CAPN11: variants seen among roughly 807,000 people sequenced by gnomAD.
CAPN11 encodes calpain 11.
Under a neutral mutation model 105.3 loss-of-function variants are expected in CAPN11, and 108 were observed. The ratio of observed to expected loss-of-function variants is 1.03; its 90% CI spans 0.88 to 1.20. The LOEUF (loss-of-function observed/expected upper bound fraction) is 1.20, where lower values mean the gene tolerates loss of function less well. CAPN11 is among the 50% of genes most tolerant of loss of function. The pLI is 0.00. For synonymous variants in CAPN11, 329 were observed against 344.5 expected (o/e 0.96, Z 0.50); for missense variants, 883 against 924.8 (o/e 0.95, Z 0.59).
intron 7 of CAPN11, among the ~76,000 whole-genome samples, chr6:44,175,600 AC>A (rs1300425509): frequency 6.6e-6 from 1 of 151,736 alleles, no homozygotes; most frequent in Admixed American, 6.6e-5. Context: ...ACATGGTAAA[AC>A]CCCATCTATA....
chr6:44,172,812 C>T, intron 5 of CAPN11, 128 bp from the exon 6 acceptor site: 1 of 1,107,848 alleles, frequency 9.0e-7, no homozygotes, highest in Admixed American at 2.8e-5. Flanking sequence ...CTTTGGGTTG[C>T]CTTTCCCTCT....
chr6:44,160,235 C>T (rs1446702487), intron 1 of CAPN11, among the ~76,000 whole-genome samples: 1 of 152,222 alleles, frequency 6.6e-6, no homozygotes, highest in Non-Finnish European at 1.5e-5. Flanking sequence ...CTCAACTGAG[C>T]CATTCCACAG....
chr6:44,171,224 CT>C (rs1315545336), intron 4 of CAPN11, among the ~76,000 whole-genome samples: 1 of 152,200 alleles, frequency 6.6e-6, no homozygotes, highest in Non-Finnish European at 1.5e-5. Flanking sequence ...CACCCTGCCC[CT>C]GGACCCCACC....
intron 4 of CAPN11, 85 bp downstream of exon 4, chr6:44,170,060 A>G: frequency 9.3e-7 from 1 of 1,074,832 alleles, no homozygotes; most frequent in Admixed American, 2.0e-5. Flanking sequence ...GCTGGGAAAC[A>G]GGGAGCCCTG....
chr6:44,173,494 A>G, intron 7 of CAPN11, 108 bp downstream of exon 7: 1 of 685,902 alleles, frequency 1.5e-6, no homozygotes, highest in East Asian at 2.8e-5. Context: ...ATTCAGTTCA[A>G]CTGCCCTTTC....
chr6:44,162,006 C>T (rs986361501), intron 1 of CAPN11: 2 of 422,868 alleles, frequency 4.7e-6, no homozygotes, highest in Admixed American at 2.5e-5. Context: ...GAGGGGCGCC[C>T]AGCAGCATCC....
chr6:44,167,065 A>G (rs1770030083), intron 2 of CAPN11, among the ~76,000 whole-genome samples: 1 of 152,040 alleles, frequency 6.6e-6, no homozygotes, highest in Non-Finnish European at 1.5e-5. Flanking sequence ...CCCGGGATCC[A>G]TCAGTCAGCC....
In CAPN11 at chr6:44,179,980, A is replaced by G; in HGVS notation, c.1457A>G (p.Lys486Arg). Residue 486 changes from lysine to arginine, a missense_variant, in exon 14 of 23, where the codon AAG becomes AGG. Coordinates refer to ENST00000398776, the MANE Select transcript of CAPN11 (RefSeq NM_007058.4). ...EFQNIQDVHL[K>R]KEFFTKYQDH... ...CAGAACATTCAGGATGTCCACTTGA[A>G]GAAGGAATTCTTCACGAAGTATCAG... 2 of 1,613,726 alleles carry G rather than the reference A, an allele frequency of 1.2e-6. No homozygotes were observed. Among genetic ancestry groups the G allele is most frequent in the Non-Finnish European group, 1.7e-6 (2 of 1,179,702 alleles).
intron 2 of CAPN11, 127 bp downstream of exon 2, chr6:44,166,956 G>GT: frequency 2.0e-6 from 1 of 507,920 alleles, no homozygotes. Context: ...GCGGCGGGGG[G>GT]AGGGGAGGCT....
chr6:44,180,569 G>C, intron 15 of CAPN11, 28 bp from the exon 16 acceptor site: 1 of 1,613,800 alleles, frequency 6.2e-7, no homozygotes, highest in Non-Finnish European at 8.5e-7. Flanking sequence ...TTTCTGACCA[G>C]GTCCCTTTCC....
chr6:44,171,842 G>A (rs927043084), intron 4 of CAPN11, among the ~76,000 whole-genome samples: 2 of 152,214 alleles, frequency 1.3e-5, no homozygotes, highest in Non-Finnish European at 2.9e-5. Flanking sequence ...AAGGCTGGCA[G>A]ATCTCTTGAG....
At chr6:44,181,506 A>G (rs1773296329) in intron 19 of CAPN11, among the ~76,000 whole-genome samples, 186 bp downstream of exon 19, 1 of 142,608 alleles carries the variant, frequency 7.0e-6, no homozygotes, top group Non-Finnish European at 1.5e-5. Context: ...ACACACACAC[A>G]CACTCACATA....
intron 19 of CAPN11, 31 bp downstream of exon 19, chr6:44,181,351 G>A: frequency 6.2e-7 from 1 of 1,602,904 alleles, no homozygotes; most frequent in Non-Finnish European, 8.5e-7. Flanking sequence ...AGCCTCCAGG[G>A]GTGAGGAAAA....
intron 7 of CAPN11, among the ~76,000 whole-genome samples, chr6:44,174,069 C>A (rs888039792): frequency 7.9e-5 from 12 of 152,118 alleles, no homozygotes; most frequent in Non-Finnish European, 1.6e-4. Flanking sequence ...AGGAGCCCAG[C>A]ATGCAATAGG....
Position 44,172,336 on chromosome 6 carries a change from T to G in CAPN11, c.444T>G (p.Leu148=), listed in dbSNP as rs978245200. The G allele has an allele frequency of 9.6e-6, 15 of 1,558,330 alleles. No individual in the cohort carries two copies. In the Admixed American group the frequency reaches 2.3e-4, roughly 24 times the overall value. The change falls in exon 5 of 23, where the codon CTT becomes CTG. Residue 148 remains leucine, a synonymous_variant. Transcript: ENST00000398776. ...DCWLLAAIGS[L]TTCPKLLYRV... is the part of the protein sequence containing the mutation. ...GGCTGCTGGCTGCCATCGGCTCCCTTACCACCTGCCCCAAACTGCTATACC... is the reference window on the plus strand; with the variant it reads ...GGCTGCTGGCTGCCATCGGCTCCCTGACCACCTGCCCCAAACTGCTATACC...
intron 1 of CAPN11, among the ~76,000 whole-genome samples, chr6:44,165,275 CA>C (rs1479171827): frequency 6.6e-6 from 1 of 152,198 alleles, no homozygotes; most frequent in East Asian, 1.9e-4. Context: ...GTTGGGGAAT[CA>C]TTCTTTTGGC....
chr6:44,171,884 G>T (rs1376761686), intron 4 of CAPN11, among the ~76,000 whole-genome samples: 1 of 152,154 alleles, frequency 6.6e-6, no homozygotes, highest in Admixed American at 6.6e-5. Flanking sequence ...TGGCCAACAT[G>T]GTGAAACCCC....
rs778775610 is a variant in CAPN11, at chr6:44,181,321, G to A, written c.1938+1G>A. 2 of 1,613,022 alleles carry A rather than the reference G, an allele frequency of 1.2e-6. No individual in the cohort carries two copies. Among genetic ancestry groups the A allele is most frequent in the Admixed American group, 1.7e-5 (1 of 59,914 alleles). ...GTGGAAAAAACTCAAGAAATGGATG[G>A]TAAAGGGCACTAAAGGGGCAGCCTC... is the stretch of plus-strand genomic sequence containing the variant. On this transcript the variant is annotated splice_donor_variant, in intron 19 of 22. Transcript: ENST00000398776. LOFTEE classifies it high-confidence loss of function.
chr6:44,168,462 G>C (rs1043258678), intron 2 of CAPN11, among the ~76,000 whole-genome samples: 2 of 151,794 alleles, frequency 1.3e-5, no homozygotes, highest in African/African-American at 4.8e-5. Context: ...TAGAGACGGG[G>C]TTTCACCAGG....
Sources: gnomAD v4.1 joint callset for allele counts (sites outside exome capture counted in the v4.1 genomes callset) on GRCh38, gnomAD v4.1.1 for gene constraint, MANE v1.5 for transcripts, NCBI Gene and HGNC (gene_info 2026-07-23, HGNC 2026-07-21) for gene names.